CUBN: variants seen among roughly 807,000 people sequenced by gnomAD.
The protein encoded by CUBN is 460 kDa receptor.
In CUBN, 282 loss-of-function variants were observed where a neutral mutation model predicts 405.3. The observed-to-expected ratio is 0.70, with a 90% CI of 0.63 to 0.77. The LOEUF is 0.77. CUBN is among the 30% of genes least tolerant of loss of function. The probability of loss-of-function intolerance (pLI) is 0.00; values close to 1 mark genes in which losing one functional copy is unlikely to be tolerated. For synonymous variants in CUBN, 1,684 were observed against 1,617.0 expected (o/e 1.04, Z -0.99); for missense variants, 4,514 against 4,475.2 (o/e 1.01, Z -0.25).
chr10:16,987,754 C>G (rs1833467488), intron 29 of CUBN, among the ~76,000 whole-genome samples: 1 of 152,166 alleles, frequency 6.6e-6, no homozygotes, highest in Non-Finnish European at 1.5e-5. Context: ...TGAAAAAAAC[C>G]ATTCCACCAC....
chr10:16,847,686 G>T (rs553684040), intron 60 of CUBN, among the ~76,000 whole-genome samples: 1 of 152,234 alleles, frequency 6.6e-6, no homozygotes, highest in South Asian at 2.1e-4. Context: ...CAATGGATGC[G>T]ATGTGGATTT....
intron 28 of CUBN, among the ~76,000 whole-genome samples, chr10:17,014,806 G>C (rs764785379): frequency 8.5e-5 from 13 of 152,204 alleles, no homozygotes; most frequent in Admixed American, 5.9e-4. Context: ...ACAGATGAAG[G>C]CTATCCCTAA....
At chr10:16,947,103 G>T in intron 36 of CUBN, 132 bp downstream of exon 36, 1 of 953,034 alleles carries the variant, frequency 1.0e-6, no homozygotes, top group Non-Finnish European at 1.7e-6. Context: ...AACTATGACT[G>T]AAACAGAGGA....
chr10:17,043,660 A>C (rs1321967741), intron 26 of CUBN, among the ~76,000 whole-genome samples, 167 bp downstream of exon 26: 1 of 152,198 alleles, frequency 6.6e-6, no homozygotes, highest in Non-Finnish European at 1.5e-5. Flanking sequence ...AATTGCTCAC[A>C]CCAATGCGTT....
At chr10:17,029,040 T>C (rs1005097254) in intron 27 of CUBN, among the ~76,000 whole-genome samples, 2 of 152,226 alleles carry the variant, frequency 1.3e-5, no homozygotes, top group Admixed American at 1.3e-4. Context: ...GGAAAGGCAG[T>C]GTGCATAGGA....
intron 60 of CUBN, among the ~76,000 whole-genome samples, chr10:16,843,986 C>A (rs1839435322): frequency 6.6e-6 from 1 of 152,066 alleles, no homozygotes. Context: ...ACCTTCCAGA[C>A]CTGCGGGGCG....
chr10:17,086,324 T>C (rs11254360), intron 15 of CUBN, among the ~76,000 whole-genome samples: 6 of 152,170 alleles, frequency 3.9e-5, no homozygotes, highest in Non-Finnish European at 8.8e-5. Context: ...ATGATGTTAC[T>C]AATCAAAGAT....
chr10:16,876,860 G>C (rs752367504), intron 57 of CUBN, 37 bp downstream of exon 57: 1 of 1,571,392 alleles, frequency 6.4e-7, no homozygotes, highest in Non-Finnish European at 8.8e-7. Flanking sequence ...ACTCAGAAAA[G>C]AAGAAAATTC....
chr10:17,057,497 G>A (rs533987181), intron 22 of CUBN, among the ~76,000 whole-genome samples: 19 of 151,976 alleles, frequency 1.3e-4, no homozygotes, highest in Non-Finnish European at 1.6e-4. Flanking sequence ...TCATATAGGT[G>A]GGAATATAAA....
At chr10:17,044,247 A>G (rs1835074931) in intron 25 of CUBN, among the ~76,000 whole-genome samples, 1 of 145,178 alleles carries the variant, frequency 6.9e-6, no homozygotes, top group Non-Finnish European at 1.5e-5. Context: ...ATATTTATAT[A>G]TGTATTAAAT....
At chr10:17,018,385 T>C (rs972454341) in intron 28 of CUBN, among the ~76,000 whole-genome samples, 7 of 152,064 alleles carry the variant, frequency 4.6e-5, no homozygotes, top group African/African-American at 7.2e-5. Flanking sequence ...GTGAGTGTTA[T>C]AGTTCTTAAA....
intron 22 of CUBN, among the ~76,000 whole-genome samples, chr10:17,048,731 G>A (rs1439918244): frequency 6.6e-6 from 1 of 152,092 alleles, no homozygotes; most frequent in African/African-American, 2.4e-5. Flanking sequence ...CCTACTGAAA[G>A]GTTTTGGATA....
intron 59 of CUBN, among the ~76,000 whole-genome samples, chr10:16,858,421 A>T (rs139734100): frequency 6.8e-4 from 104 of 152,250 alleles, no homozygotes; most frequent in African/African-American, 2.3e-3. Context: ...CCTGGGCTCA[A>T]GGGATCCTCC....
chr10:17,046,808 C>A (rs2131821560), intron 23 of CUBN, among the ~76,000 whole-genome samples: 1 of 152,136 alleles, frequency 6.6e-6, no homozygotes, highest in Admixed American at 6.5e-5. Context: ...GATATAGATG[C>A]CCACCAGAAT....
At chr10:17,090,336 T>A (rs1249583742) in intron 14 of CUBN, among the ~76,000 whole-genome samples, 1 of 151,446 alleles carries the variant, frequency 6.6e-6, no homozygotes, top group Non-Finnish European at 1.5e-5. Flanking sequence ...AATTTTTAAA[T>A]AGAAGGATAA....
At chr10:16,966,724 C>T (rs556867233) in intron 31 of CUBN, among the ~76,000 whole-genome samples, 1 of 152,318 alleles carries the variant, frequency 6.6e-6, no homozygotes, top group African/African-American at 2.4e-5. Context: ...GCTGGGATTA[C>T]AGGCATGAGC....
At position 17,071,849 on chromosome 10, in the gene CUBN, A is replaced by G; in HGVS notation, c.2424T>C (p.Ser808=). 1 of 1,612,792 alleles carries G rather than the reference A, an allele frequency of 6.2e-7. No individual in the cohort carries two copies. The highest frequency in any genetic ancestry group is 8.5e-7 in the Non-Finnish European group (1 of 1,179,770). The stretch of plus-strand genomic sequence containing the variant: ...TACCGACTTGATAAACAGCTCTGAA[A>G]CTAGCTTTTTCAACAGAAGCATCTA... ...FKIDASVEKA[S]FRAVYQVACG... The change falls in exon 18 of 67, where the codon AGT becomes AGC. Residue 808 remains serine, a synonymous_variant. Transcript: ENST00000377833.
intron 31 of CUBN, among the ~76,000 whole-genome samples, chr10:16,976,329 T>C (rs1369636617): frequency 6.6e-6 from 1 of 151,970 alleles, no homozygotes; most frequent in African/African-American, 2.4e-5. Flanking sequence ...CGGTAGTTAC[T>C]TTTTTTTCTT....
At chr10:16,843,078 C>T (rs116147041) in intron 60 of CUBN, among the ~76,000 whole-genome samples, 1,647 of 152,202 alleles carry the variant, frequency 0.011, 21 homozygotes, top group African/African-American at 0.037. Context: ...TTACTTTGTC[C>T]GGTCTCTTTC....
Sources: allele counts gnomAD v4.1 joint callset (sites outside exome capture counted in the v4.1 genomes callset), GRCh38; gene constraint gnomAD v4.1.1; transcripts MANE v1.5; gene names NCBI Gene and HGNC (gene_info 2026-07-23, HGNC 2026-07-21).